Variants in ADAMTSL1 observed in about 807,000 individuals in gnomAD.
The protein encoded by ADAMTSL1 is ADAMTS-like protein 1.
ADAMTSL1 carries 126 observed loss-of-function variants against 201.8 expected under a neutral mutation model. The ratio of observed to expected loss-of-function variants is 0.62; its 90% CI spans 0.54 to 0.72. The LOEUF is 0.72. Among genes scored for constraint, ADAMTSL1 ranks in the 30% least tolerant of loss-of-function variants. The probability of loss-of-function intolerance (pLI) is 0.00; values close to 1 mark genes in which losing one functional copy is unlikely to be tolerated. For synonymous variants in ADAMTSL1, 1,121 were observed against 903.4 expected (o/e 1.24, Z -4.32); for missense variants, 2,679 against 2,277.8 (o/e 1.18, Z -3.59).
At chr9:18,894,576 A>C (rs1356049438) in intron 26 of ADAMTSL1, among the ~76,000 whole-genome samples, 1 of 152,034 alleles carries the variant, frequency 6.6e-6, no homozygotes, top group Non-Finnish European at 1.5e-5. Flanking sequence ...GGAAGTCAAA[A>C]TTTGACTGGA....
chr9:17,999,324 A>C (rs1431817917), intron 1 of ADAMTSL1, among the ~76,000 whole-genome samples: 2 of 151,960 alleles, frequency 1.3e-5, no homozygotes, highest in African/African-American at 4.8e-5. Flanking sequence ...AGAAGGGGCC[A>C]CTGTGAAAGC....
chr9:18,465,733 A>T (rs1006274092), intron 2 of ADAMTSL1, among the ~76,000 whole-genome samples: 135 of 125,230 alleles, frequency 1.1e-3, no homozygotes, highest in Non-Finnish European at 7.5e-4. Context: ...TGCCACAGGT[A>T]TCTTTTTGTT....
intron 1 of ADAMTSL1, among the ~76,000 whole-genome samples, chr9:18,032,572 T>G (rs987325389): frequency 1.3e-5 from 2 of 152,176 alleles, no homozygotes; most frequent in Non-Finnish European, 2.9e-5. Context: ...AGCCCTGCTC[T>G]CTGCTGGCTG....
intron 23 of ADAMTSL1, among the ~76,000 whole-genome samples, chr9:18,838,040 C>T (rs566377101): frequency 3.3e-5 from 5 of 152,018 alleles, no homozygotes; most frequent in Admixed American, 1.3e-4. Flanking sequence ...GTTTTCTTCC[C>T]GAGACTGGGA....
intron 1 of ADAMTSL1, among the ~76,000 whole-genome samples, chr9:17,973,974 A>G (rs752137397): frequency 2.0e-4 from 31 of 151,554 alleles, no homozygotes; most frequent in Non-Finnish European, 3.1e-4. Context: ...TTTGTCTGTT[A>G]TTGGTGTATA....
chr9:18,285,215 A>G (rs1445489550), intron 2 of ADAMTSL1, among the ~76,000 whole-genome samples: 1 of 152,204 alleles, frequency 6.6e-6, no homozygotes, highest in Non-Finnish European at 1.5e-5. Context: ...ATTTTATGAT[A>G]TCATATATGC....
intron 14 of ADAMTSL1, among the ~76,000 whole-genome samples, chr9:18,714,741 C>A (rs528971107): frequency 8.5e-5 from 13 of 152,180 alleles, no homozygotes; most frequent in Middle Eastern, 3.4e-3. Context: ...CTCCCTAACT[C>A]ATTTGATGAG....
chr9:18,422,284 A>C (rs913676508), intron 2 of ADAMTSL1, among the ~76,000 whole-genome samples: 1 of 152,186 alleles, frequency 6.6e-6, no homozygotes, highest in African/African-American at 2.4e-5. Flanking sequence ...TAATCACATC[A>C]AAAGAGATAC....
In ADAMTSL1 at chr9:18,908,402, C is replaced by T. The variant is rs912930109; in HGVS notation, c.5183-40C>T. ...GTTCATTAGTCTCTGTTTCACATCTCTTTTCTGTCTCCTCTCCCGACCCCG... is the reference window on the plus strand; with the variant it reads ...GTTCATTAGTCTCTGTTTCACATCTTTTTTCTGTCTCCTCTCCCGACCCCG... On this transcript the variant is annotated intron_variant, in intron 28 of 28. Transcript: ENST00000380548. 6 of 1,512,428 alleles carry T rather than the reference C, an allele frequency of 4.0e-6. No homozygotes were observed. In the African/African-American group the frequency reaches 8.3e-5, roughly 21 times the overall value. The allele number at this position is 1,512,428 out of a possible 1,614,324, so 93.7% of individuals were successfully genotyped here.
Position 18,777,722 on chromosome 9 carries a change from A to T in ADAMTSL1, c.3493A>T (p.Thr1165Ser), listed in dbSNP as rs1213266917. ...GGSRRPHRKPTILRKISAAQQ... is the reference protein window; with the variant it reads ...GGSRRPHRKPSILRKISAAQQ... ...CTCTCGAAGGCCACACCGCAAGCCCACCATCCTGCGCAAGATCTCAGCGGC... is the reference window on the plus strand; with the variant it reads ...CTCTCGAAGGCCACACCGCAAGCCCTCCATCCTGCGCAAGATCTCAGCGGC... The change falls in exon 19 of 29, where the codon ACC becomes TCC. Residue 1165 changes from threonine to serine, a missense_variant. By Grantham distance (58) the Thr-to-Ser change is moderately conservative (BLOSUM62 1). Coordinates refer to ENST00000380548, the MANE Select transcript of ADAMTSL1 (RefSeq NM_001040272.6). The T allele has an allele frequency of 2.5e-6, 4 of 1,613,264 alleles. No homozygotes were observed. The highest frequency in any genetic ancestry group is 3.4e-6 in the Non-Finnish European group (4 of 1,179,700).
chr9:18,171,277 T>C (rs1827876875), intron 2 of ADAMTSL1, among the ~76,000 whole-genome samples: 1 of 152,024 alleles, frequency 6.6e-6, no homozygotes, highest in South Asian at 2.1e-4. Context: ...ATGTAATAAA[T>C]GGTTACATAA....
chr9:18,450,500 A>G (rs1203136207), intron 2 of ADAMTSL1, among the ~76,000 whole-genome samples: 5 of 152,102 alleles, frequency 3.3e-5, no homozygotes, highest in African/African-American at 4.8e-5. Context: ...GTTGAAATGG[A>G]TGTGTTAATA....
intron 2 of ADAMTSL1, among the ~76,000 whole-genome samples, chr9:18,429,395 C>T (rs1331998935): frequency 1.3e-5 from 2 of 152,120 alleles, no homozygotes; most frequent in East Asian, 1.9e-4. Context: ...AAAAATGCTT[C>T]GGAGTCTCTG....
intron 2 of ADAMTSL1, among the ~76,000 whole-genome samples, chr9:18,248,009 G>A (rs1426162620): frequency 6.6e-6 from 1 of 152,096 alleles, no homozygotes; most frequent in East Asian, 1.9e-4. Context: ...TTCCAAAGTT[G>A]CTTTCCTTAT....
chr9:17,916,652 C>G (rs1032731339), intron 1 of ADAMTSL1, among the ~76,000 whole-genome samples: 16 of 152,142 alleles, frequency 1.1e-4, no homozygotes, highest in African/African-American at 2.9e-4. Flanking sequence ...ATTCTCTGCT[C>G]TAATCCACTG....
chr9:18,691,318 G>C (rs979472132), intron 13 of ADAMTSL1, among the ~76,000 whole-genome samples: 2 of 152,140 alleles, frequency 1.3e-5, no homozygotes, highest in African/African-American at 2.4e-5. Flanking sequence ...ACATTGAAAG[G>C]GTTTGAGGGG....
At chr9:18,495,532 G>T (rs1357907291) in intron 1 of ADAMTSL1, among the ~76,000 whole-genome samples, 1 of 152,146 alleles carries the variant, frequency 6.6e-6, no homozygotes, top group African/African-American at 2.4e-5. Context: ...GGGAAAGTAT[G>T]ACCAGAACCT....
At chr9:18,180,532 CAAA>C (rs71333030) in intron 2 of ADAMTSL1, among the ~76,000 whole-genome samples, 76 of 92,124 alleles carry the variant, frequency 8.2e-4, no homozygotes, top group African/African-American at 3.6e-3. Context: ...GACTCCGTGT[CAAA>C]AAAAAAAAAA....
chr9:18,481,562 A>G (rs991383585), intron 1 of ADAMTSL1, among the ~76,000 whole-genome samples: 1 of 151,638 alleles, frequency 6.6e-6, no homozygotes, highest in Non-Finnish European at 1.5e-5. Context: ...TCTGTGATGG[A>G]CATTATTATT....
Sources: gnomAD v4.1 joint callset for allele counts (sites outside exome capture counted in the v4.1 genomes callset) on GRCh38, gnomAD v4.1.1 for gene constraint, MANE v1.5 for transcripts, NCBI Gene and HGNC (gene_info 2026-07-23, HGNC 2026-07-21) for gene names.